Variants in CDK12 observed in about 807,000 individuals in gnomAD.
The protein encoded by CDK12 is cyclin dependent kinase 12.
In CDK12, 17 loss-of-function variants were observed where a neutral mutation model predicts 133.8. That is an observed-to-expected ratio of 0.13 (90% confidence interval 0.09 to 0.19). The LOEUF (loss-of-function observed/expected upper bound fraction) is 0.19, where lower values mean the gene tolerates loss of function less well. CDK12 is among the 10% of genes least tolerant of loss of function. The pLI, the probability that CDK12 is intolerant of heterozygous loss-of-function variation, is 1.00. For synonymous variants in CDK12, 694 were observed against 683.6 expected (o/e 1.02, Z -0.24); for missense variants, 1,508 against 1,818.7 (o/e 0.83, Z 3.11).
At chr17:39,472,847 G>A (rs994975658) in intron 2 of CDK12, among the ~76,000 whole-genome samples, 31 of 151,964 alleles carry the variant, frequency 2.0e-4, no homozygotes, top group African/African-American at 7.2e-4. Flanking sequence ...AGGCCAAGGC[G>A]GGCGGATCAC....
In CDK12 at chr17:39,528,981, A is replaced by G. The variant is rs757339534; in HGVS notation, c.3761-1623A>G. ...GTCCAGTTTGCCCTCCTTTTTCAGCATGTCTACTCTCCATGTTCAAAATTT... is the reference window on the plus strand; with the variant it reads ...GTCCAGTTTGCCCTCCTTTTTCAGCGTGTCTACTCTCCATGTTCAAAATTT... On this transcript the variant is annotated intron_variant, in intron 13 of 13. Coordinates refer to ENST00000447079, the MANE Select transcript of CDK12 (RefSeq NM_016507.4). Among the ~76,000 whole-genome samples the G allele has an allele frequency of 9.2e-5, 14 of 152,258 alleles. No individual in the cohort carries two copies. The South Asian group carries it at 1.9e-3, about 20-fold the overall frequency.
Position 39,462,949 on chromosome 17 carries a change from G to C in CDK12, c.878G>C (p.Ser293Thr), listed in dbSNP as rs767025252. ...TACCAGTCCAGCACCCGGTCACCGAGCCCCTACAGTAGGCGACAGAGATCT... is the reference window on the plus strand; with the variant it reads ...TACCAGTCCAGCACCCGGTCACCGACCCCCTACAGTAGGCGACAGAGATCT... Reference protein sequence around the residue: ...SAYQSSTRSPSPYSRRQRSVS... With the variant: ...SAYQSSTRSPTPYSRRQRSVS... Residue 293 changes from serine to threonine, a missense_variant, in exon 1 of 14, where the codon AGC becomes ACC. By Grantham distance (58) the Ser-to-Thr change is moderately conservative. This residue lies in a region of CDK12 where 460 missense variants were observed against 490.8 expected (regional missense o/e 0.94). Transcript: ENST00000447079. 3.7e-6 allele frequency: 6 copies of C among 1,614,198 alleles called. No individual in the cohort carries two copies. Among genetic ancestry groups the C allele is most frequent in the Middle Eastern group, 1.6e-4 (1 of 6,062 alleles).
intron 11 of CDK12, among the ~76,000 whole-genome samples, chr17:39,523,487 A>C (rs1469137675): frequency 1.3e-5 from 2 of 151,724 alleles, no homozygotes; most frequent in Admixed American, 1.3e-4. Context: ...AAAGAAAAAG[A>C]AAAAAAAAGT....
Position 39,471,400 on chromosome 17 carries a change from A to G in CDK12, c.1568A>G (p.Lys523Arg), listed in dbSNP as rs2145199561. ...CCAAAGGAGACAGAAACATCAGAAA[A>G]GGAGACCCCTCCACCTCTTCCCACA... Reference protein sequence around the residue: ...VTPKETETSEKETPPPLPTIA... With the variant: ...VTPKETETSERETPPPLPTIA... Residue 523 changes from lysine to arginine, a missense_variant, in exon 2 of 14, where the codon AAG (lysine) becomes AGG (arginine). Physicochemically the swap from Lys to Arg is conservative, Grantham distance 26. This residue lies in a region of CDK12 where 347 missense variants were observed against 330.8 expected (regional missense o/e 1.05). Transcript: ENST00000447079. The G allele has an allele frequency of 6.2e-7, 1 of 1,614,040 alleles. No individual in the cohort carries two copies. Among genetic ancestry groups the G allele is most frequent in the Non-Finnish European group, 8.5e-7 (1 of 1,179,998 alleles).
upstream of CDK12, among the ~76,000 whole-genome samples, chr17:39,548,185 ACTCTGGGGCT>A (rs879376215): frequency 6.6e-5 from 10 of 151,982 alleles, no homozygotes; most frequent in African/African-American, 9.7e-5. Flanking sequence ...GGGGTCAGAA[ACTCTGGGGCT>A]CTCTGGGCCC....
chr17:39,549,240 T>TA (rs537507913), upstream of CDK12: 16 of 152,140 alleles, frequency 1.1e-4, no homozygotes, highest in Admixed American at 9.2e-4. Context: ...GCAAATGCCT[T>TA]ACCTAAAATG....
chr17:39,537,370 G>A (rs1401803240), downstream of CDK12, among the ~76,000 whole-genome samples: 2 of 152,018 alleles, frequency 1.3e-5, no homozygotes, highest in African/African-American at 4.8e-5. Flanking sequence ...CTTTTTTAAA[G>A]TCTGGAACTT....
chr17:39,503,417 A>C (rs988614563), intron 6 of CDK12, among the ~76,000 whole-genome samples: 4 of 152,182 alleles, frequency 2.6e-5, no homozygotes, highest in Non-Finnish European at 4.4e-5. Flanking sequence ...CATAATTCCC[A>C]GTAAAGTTGG....
chr17:39,471,050 A>G lies in CDK12; in HGVS notation c.1218A>G (p.Arg406=). Residue 406 remains arginine (R), a synonymous_variant, in exon 2 of 14, where the codon AGA becomes AGG. Coordinates refer to ENST00000447079, the MANE Select transcript of CDK12 (RefSeq NM_016507.4). ...AACTCAGTAGGAAAAAGAAGGAAAGAGCAGCTGCTGCTGCTGCAGCAAAGA... is the reference window on the plus strand; with the variant it reads ...AACTCAGTAGGAAAAAGAAGGAAAGGGCAGCTGCTGCTGCTGCAGCAAAGA... ...GAELSRKKKE[R]AAAAAAAKMD... 1 of 1,614,010 alleles carries G rather than the reference A, an allele frequency of 6.2e-7. No homozygotes were observed. The highest frequency in any genetic ancestry group is 8.5e-7 in the Non-Finnish European group (1 of 1,179,944).
rs537309684 is a variant in CDK12, at chr17:39,519,603, A to T, written c.2964-353A>T. Among the ~76,000 whole-genome samples the T allele has an allele frequency of 3.0e-3, 436 of 143,860 alleles. 2 individuals are homozygous for T. Among genetic ancestry groups the T allele is most frequent in the African/African-American group, 9.5e-3 (368 of 38,712 alleles). The allele number at this position is 143,860 out of a possible 152,430, so 94.4% of individuals were successfully genotyped here. A position where few individuals can be genotyped will look rare whatever the true frequency, so the allele number is the denominator to read the frequency against. ...GCACATCCTTTTTTTTTTTTTTTTT[A>T]AAAAGAGATGGGCTCTTGCTCTGTT... On this transcript the variant is annotated intron_variant, in intron 10 of 13. Transcript: ENST00000447079.
intron 1 of CDK12, among the ~76,000 whole-genome samples, chr17:39,465,751 A>G (rs1410225705): frequency 6.6e-6 from 1 of 152,046 alleles, no homozygotes; most frequent in Non-Finnish European, 1.5e-5. Flanking sequence ...TCGGCCTCCT[A>G]AAGTGCTGGG....
chr17:39,525,019 G>A, intron 12 of CDK12, 134 bp downstream of exon 12: 1 of 668,306 alleles, frequency 1.5e-6, no homozygotes, highest in Non-Finnish European at 2.5e-6. Flanking sequence ...AGAGGTTAAT[G>A]TCCTCATTAT....
intron 2 of CDK12, among the ~76,000 whole-genome samples, chr17:39,473,638 C>T (rs1045475052): frequency 6.6e-6 from 1 of 152,048 alleles, no homozygotes. Flanking sequence ...TGCCTTTAAT[C>T]CCAGCACTTT....
At chr17:39,510,114 CTTTTT>C (rs762953806) in intron 7 of CDK12, among the ~76,000 whole-genome samples, 3 of 125,478 alleles carry the variant, frequency 2.4e-5, no homozygotes, top group African/African-American at 6.5e-5. Flanking sequence ...CAATCTCTCT[CTTTTT>C]TTTTTTTTTT....
chr17:39,490,427 T>C, intron 2 of CDK12, 130 bp from the exon 3 acceptor site: 2 of 588,146 alleles, frequency 3.4e-6, no homozygotes. Context: ...TTTTATGTTA[T>C]AGTACAGGTT....
chr17:39,566,401 C>T (rs557701154), downstream of CDK12, among the ~76,000 whole-genome samples: 9 of 152,140 alleles, frequency 5.9e-5, no homozygotes, highest in East Asian at 1.9e-4. Context: ...TAGGGAGAGT[C>T]GTGCAGTGTT....
chr17:39,481,636 C>A (rs2050677619), intron 2 of CDK12, among the ~76,000 whole-genome samples: 1 of 5,064 alleles, frequency 2.0e-4, no homozygotes, highest in Non-Finnish European at 5.0e-4. Context: ...CTCGCGCGCT[C>A]TCTCTCTCTC....
rs1597976946 is a variant in CDK12 at position 39,480,733 on chromosome 17, T to G, written c.1931+8970T>G. Among the ~76,000 whole-genome samples the G allele has an allele frequency of 7.9e-5, 12 of 152,236 alleles. 3 individuals carry two copies. The highest frequency in any genetic ancestry group is 7.9e-4 in the Admixed American group (12 of 15,272). On this transcript the variant is annotated intron_variant, in intron 2 of 13. Coordinates refer to ENST00000447079, the MANE Select transcript of CDK12 (RefSeq NM_016507.4). ...CCAGCACGCCCAGCCGAAACTTTTCTTTTCTTTCAAACATGTATTTTGAAT... is the reference window on the plus strand; with the variant it reads ...CCAGCACGCCCAGCCGAAACTTTTCGTTTCTTTCAAACATGTATTTTGAAT...
intron 2 of CDK12, among the ~76,000 whole-genome samples, chr17:39,554,444 G>A (rs956106247): frequency 2.6e-5 from 4 of 152,058 alleles, no homozygotes; most frequent in Admixed American, 1.3e-4. Flanking sequence ...AGTATGCATC[G>A]TCTCCATTTT....
Sources: gnomAD v4.1 joint callset for allele counts (sites outside exome capture counted in the v4.1 genomes callset) on GRCh38, gnomAD v4.1.1 for gene constraint, gnomAD v4.1.1 regional missense constraint, MANE v1.5 for transcripts, NCBI Gene and HGNC (gene_info 2026-07-23, HGNC 2026-07-21) for gene names.